The following GALNT11 variants were observed in gnomAD, a reference collection of about 807,000 sequenced individuals.
GALNT11 encodes the protein UDP-GalNAc:polypeptide N-acetylgalactosaminyltransferase 11.
GALNT11 carries 47 observed loss-of-function variants against 72.7 expected under a neutral mutation model. The observed-to-expected ratio is 0.65, with a 90% confidence interval of 0.51 to 0.82. The LOEUF (loss-of-function observed/expected upper bound fraction) is 0.82. GALNT11 is among the 40% of genes least tolerant of loss of function. The pLI is 0.00. For synonymous variants in GALNT11, 270 were observed against 286.6 expected (o/e 0.94, Z 0.58); for missense variants, 677 against 778.4 (o/e 0.87, Z 1.55).
Position 152,120,832 on chromosome 7 carries a change from T to A in GALNT11, c.1559T>A (p.Ile520Asn). ...TTTTATTTTATTTTTCTTCTCTAGA[T>A]CTGGATCTATAATGAAGAGCATGAA... ...KACDYSDPNQ[I>N]WIYNEEHELV... Residue 520 changes from isoleucine to asparagine, a missense_variant and splice_region_variant, in exon 11 of 12, where the codon ATC becomes AAC. By Grantham distance (149) the Ile-to-Asn change is moderately radical (BLOSUM62 -3). Transcript: ENST00000430044. The A allele has an allele frequency of 6.2e-7, 1 of 1,600,112 alleles. No homozygotes were observed.
chr7:152,072,693 C>G (rs536357883), intron 1 of GALNT11, among the ~76,000 whole-genome samples: 6 of 152,338 alleles, frequency 3.9e-5, no homozygotes, highest in African/African-American at 1.4e-4. Flanking sequence ...CTTTGTTCCT[C>G]ACTGCCTTTA....
intron 2 of GALNT11, among the ~76,000 whole-genome samples, chr7:152,097,652 T>C (rs1240266986): frequency 6.6e-6 from 1 of 152,232 alleles, no homozygotes; most frequent in Non-Finnish European, 1.5e-5. Context: ...ATCCATACCA[T>C]GGAATATTAT....
At chr7:152,086,395 T>C (rs2085652427) in intron 1 of GALNT11, among the ~76,000 whole-genome samples, 1 of 152,232 alleles carries the variant, frequency 6.6e-6, no homozygotes, top group Non-Finnish European at 1.5e-5. Flanking sequence ...CTTAATTGTA[T>C]AAAAGAAATG....
At chr7:152,055,498 G>A (rs1002136022) in intron 1 of GALNT11, among the ~76,000 whole-genome samples, 5 of 148,892 alleles carry the variant, frequency 3.4e-5, no homozygotes, top group African/African-American at 1.2e-4. Flanking sequence ...AATAAGTTAC[G>A]AGGTATTTGG....
rs897372522 is a variant in GALNT11 at position 152,100,858 on chromosome 7, T to C, written c.356T>C (p.Phe119Ser). 6.2e-7 allele frequency: 1 copy of C among 1,614,012 alleles called. No individual in the cohort carries two copies. The highest frequency in any genetic ancestry group is 1.3e-5 in the African/African-American group (1 of 74,928). ...LRDLGYQKHA[F>S]NMLISDRLGY... The stretch of plus-strand genomic sequence containing the variant: ...GACTTGGGCTATCAGAAACATGCTT[T>C]TAATATGCTTATCAGTGACCGCTTG... The change falls in exon 3 of 12, where the codon TTT (phenylalanine) becomes TCT (serine). Residue 119 changes from phenylalanine to serine, a missense_variant. Coordinates refer to ENST00000430044, the MANE Select transcript of GALNT11 (RefSeq NM_022087.4).
At chr7:152,056,304 G>T (rs1201183678) in intron 1 of GALNT11, among the ~76,000 whole-genome samples, 1 of 152,182 alleles carries the variant, frequency 6.6e-6, no homozygotes, top group Non-Finnish European at 1.5e-5. Flanking sequence ...TGCAGCATCT[G>T]GGGCATTTAC....
At chr7:152,048,755 A>G (rs531150185) in intron 1 of GALNT11, among the ~76,000 whole-genome samples, 1 of 151,344 alleles carries the variant, frequency 6.6e-6, no homozygotes, top group African/African-American at 2.4e-5. Context: ...AGGGGCAACA[A>G]CTTTTAAGTT....
In GALNT11 at chr7:152,103,093, C is replaced by G; in HGVS notation, c.420-19C>G. ...GAGCCTTTTAAAATGTCAGAATTTCCTCATCTTTATCTTTACAGATGTAAA... is the reference window on the plus strand; with the variant it reads ...GAGCCTTTTAAAATGTCAGAATTTCGTCATCTTTATCTTTACAGATGTAAA... On this transcript the variant is annotated intron_variant, in intron 3 of 11. Transcript: ENST00000430044. The G allele has an allele frequency of 6.3e-7, 1 of 1,582,608 alleles. No homozygotes were observed. Among genetic ancestry groups the G allele is most frequent in the Non-Finnish European group, 8.7e-7 (1 of 1,155,884 alleles).
At chr7:152,120,764 G>C in intron 10 of GALNT11, 67 bp from the exon 11 acceptor site, 3 of 1,335,092 alleles carry the variant, frequency 2.2e-6, no homozygotes, top group Non-Finnish European at 3.2e-6. Flanking sequence ...ATATGTGGAA[G>C]AATATGCAAA....
At chr7:152,080,066 A>C (rs937116613) in intron 1 of GALNT11, among the ~76,000 whole-genome samples, 2 of 152,252 alleles carry the variant, frequency 1.3e-5, no homozygotes, top group African/African-American at 4.8e-5. Context: ...TAAAAGATGG[A>C]CATTAAAAGG....
At chr7:152,079,346 A>G (rs903775476) in intron 1 of GALNT11, 1 of 152,236 alleles carries the variant, frequency 6.6e-6, no homozygotes, top group Non-Finnish European at 1.5e-5. Context: ...GTGTTGAAGA[A>G]TAACAGCCTC....
chr7:152,059,249 C>G (rs1421082196), intron 1 of GALNT11, among the ~76,000 whole-genome samples: 1 of 152,026 alleles, frequency 6.6e-6, no homozygotes, highest in Non-Finnish European at 1.5e-5. Context: ...GCATGTGCCA[C>G]CATGCCCAAC....
At chr7:152,031,419 G>A (rs1012937498) in intron 1 of GALNT11, among the ~76,000 whole-genome samples, 4 of 152,204 alleles carry the variant, frequency 2.6e-5, no homozygotes, top group Non-Finnish European at 4.4e-5. Context: ...TTGAAGCACC[G>A]GTCCCTCAAG....
chr7:152,037,454 G>A (rs1307553588), intron 1 of GALNT11, among the ~76,000 whole-genome samples: 1 of 152,078 alleles, frequency 6.6e-6, no homozygotes, highest in Non-Finnish European at 1.5e-5. Flanking sequence ...ATGCTATTTT[G>A]GTTACTATAG....
In GALNT11 at chr7:152,118,676, A is replaced by T. The variant is rs1192741079; in HGVS notation, c.1453-2A>T. The T allele has an allele frequency of 6.2e-7, 1 of 1,607,928 alleles. No individual in the cohort carries two copies. Among genetic ancestry groups the T allele is most frequent in the Admixed American group, 1.7e-5 (1 of 58,816 alleles). On this transcript the variant is annotated splice_acceptor_variant, in intron 9 of 11. Transcript: ENST00000430044. LOFTEE classifies it high-confidence loss of function. The stretch of plus-strand genomic sequence containing the variant: ...CATTCTGAGCTGTGCCTTCTCTTAC[A>T]GCTCTATCACCTCCAGACCAACAAA...
intron 1 of GALNT11, among the ~76,000 whole-genome samples, chr7:152,087,486 C>T (rs754126706): frequency 2.0e-5 from 3 of 152,158 alleles, no homozygotes; most frequent in Non-Finnish European, 4.4e-5. Flanking sequence ...GGGAAAAGTG[C>T]TCAGAGAGGT....
chr7:152,028,331 T>C (rs1325602211), intron 1 of GALNT11, among the ~76,000 whole-genome samples: 1 of 152,164 alleles, frequency 6.6e-6, no homozygotes, highest in Non-Finnish European at 1.5e-5. Flanking sequence ...AGAGTGCTAA[T>C]TGGTCGGTTT....
In GALNT11 at chr7:152,117,206, A is replaced by AT. The variant is rs1563083730; in HGVS notation, c.1284dup (p.Ile429TyrfsTer3). The AT allele has an allele frequency of 6.2e-7, 1 of 1,614,118 alleles. No individual in the cohort carries two copies. Among genetic ancestry groups the AT allele is most frequent in the East Asian group, 2.2e-5 (1 of 44,888 alleles). On this transcript the variant is annotated frameshift_variant, in exon 9 of 12. Transcript: ENST00000430044. LOFTEE classifies it high-confidence loss of function. ...GACCTGAAGACGAAAAGCTATGGCA[A>AT]TATCAGTGAGCGTGTGGAACTGAGA...
At chr7:152,091,117 G>A (rs900544653) in intron 1 of GALNT11, among the ~76,000 whole-genome samples, 2 of 81,062 alleles carry the variant, frequency 2.5e-5, no homozygotes, top group South Asian at 5.5e-4. Context: ...GTGCGATCTC[G>A]GCTCACTGCA....
Sources: gnomAD v4.1 joint callset for allele counts (sites outside exome capture counted in the v4.1 genomes callset) on GRCh38, gnomAD v4.1.1 for gene constraint, MANE v1.5 for transcripts, NCBI Gene and HGNC (gene_info 2026-07-23, HGNC 2026-07-21) for gene names.